Variants in CA10 observed in about 807,000 individuals in gnomAD.
The protein encoded by CA10 is carbonic anhydrase 10 (inactive), also known as carbonic anhydrase-related protein 10.
A neutral mutation model predicts 44.2 loss-of-function variants in CA10; 14 were observed. The ratio of observed to expected loss-of-function variants is 0.32; its 90% confidence interval spans 0.21 to 0.50. The LOEUF is 0.50. CA10 is among the 20% of genes least tolerant of loss of function. CA10 has a pLI of 0.99. For synonymous variants in CA10, 159 were observed against 141.6 expected (o/e 1.12, Z -0.87); for missense variants, 350 against 409.7 (o/e 0.85, Z 1.26).
At chr17:51,719,756 G>T (rs1486690935) in intron 4 of CA10, among the ~76,000 whole-genome samples, 1 of 152,098 alleles carries the variant, frequency 6.6e-6, no homozygotes, top group Non-Finnish European at 1.5e-5. Context: ...AGGCATGGTG[G>T]CATGAGCCTG....
intron 2 of CA10, among the ~76,000 whole-genome samples, chr17:51,940,333 A>AAAAG: frequency 6.6e-6 from 1 of 152,192 alleles, no homozygotes; most frequent in East Asian, 1.9e-4. Flanking sequence ...TTCCTGATCA[A>AAAAG]AAAGATGCTG....
chr17:52,134,583 C>T (rs1989309549), intron 1 of CA10, among the ~76,000 whole-genome samples: 1 of 152,182 alleles, frequency 6.6e-6, no homozygotes, highest in African/African-American at 2.4e-5. Flanking sequence ...AATAGTGGTT[C>T]TGCCAATATT....
intron 3 of CA10, among the ~76,000 whole-genome samples, chr17:51,915,266 T>C (rs1981948551): frequency 6.6e-6 from 1 of 152,154 alleles, no homozygotes; most frequent in East Asian, 1.9e-4. Flanking sequence ...CTCACGGTAA[T>C]CGGCAAGGAC....
At chr17:52,027,050 G>A (rs191804739) in intron 2 of CA10, among the ~76,000 whole-genome samples, 189 of 152,158 alleles carry the variant, frequency 1.2e-3, no homozygotes, top group Middle Eastern at 3.4e-3. Context: ...GAATCAATGG[G>A]AGTCCTGAGT....
intron 3 of CA10, among the ~76,000 whole-genome samples, chr17:51,821,226 A>T (rs1907783007): frequency 6.6e-6 from 1 of 150,964 alleles, no homozygotes. Flanking sequence ...AAACCAAATG[A>T]AAAAGCTCCT....
chr17:51,889,995 C>A (rs768537617), intron 3 of CA10, among the ~76,000 whole-genome samples: 1 of 152,056 alleles, frequency 6.6e-6, no homozygotes, highest in Admixed American at 6.6e-5. Flanking sequence ...ACCGATGAAC[C>A]CTTTACATTG....
chr17:52,111,275 C>T (rs1437201314), intron 1 of CA10, among the ~76,000 whole-genome samples: 1 of 152,114 alleles, frequency 6.6e-6, no homozygotes, highest in East Asian at 1.9e-4. Flanking sequence ...GCTAATTACA[C>T]CTACGCTTAC....
chr17:52,131,153 C>G (rs906612360), intron 1 of CA10, among the ~76,000 whole-genome samples: 3 of 150,326 alleles, frequency 2.0e-5, no homozygotes, highest in Non-Finnish European at 4.4e-5. Flanking sequence ...TGGCATTACC[C>G]CAAAGTTCCC....
At chr17:51,637,203 C>A (rs761680733) in intron 6 of CA10, among the ~76,000 whole-genome samples, 12 of 152,058 alleles carry the variant, frequency 7.9e-5, no homozygotes, top group Non-Finnish European at 1.3e-4. Context: ...TCCCATTTTT[C>A]TGGCCATTCT....
At chr17:51,781,866 G>C (rs1455911568) in intron 3 of CA10, among the ~76,000 whole-genome samples, 1 of 152,136 alleles carries the variant, frequency 6.6e-6, no homozygotes, top group Non-Finnish European at 1.5e-5. Context: ...TATATAATGA[G>C]GTAGGTATTA....
chr17:52,129,404 A>G (rs914347209), intron 1 of CA10, among the ~76,000 whole-genome samples: 1 of 152,182 alleles, frequency 6.6e-6, no homozygotes, highest in South Asian at 2.1e-4. Flanking sequence ...GAATTAATTC[A>G]TTTAATCTTC....
chr17:51,697,309 C>G (rs1001436569), intron 4 of CA10, among the ~76,000 whole-genome samples: 3 of 152,204 alleles, frequency 2.0e-5, no homozygotes, highest in African/African-American at 4.8e-5. Flanking sequence ...AGATACTCCC[C>G]CTACAGCACA....
Position 52,158,148 on chromosome 17 carries a change from A to G in CA10, c.-362T>C. 2.6e-6 allele frequency: 1 copy of G among 391,144 alleles called. No individual in the cohort carries two copies. Among genetic ancestry groups the G allele is most frequent in the Non-Finnish European group, 4.7e-6 (1 of 211,520 alleles). 24.2% of individuals were successfully genotyped at this position (391,144 alleles called of 1,614,324 possible). On this transcript the variant is annotated 5_prime_UTR_variant, in exon 1 of 9. Transcript: ENST00000451037. Reference sequence around the variant, plus strand: ...GCAGCAGCCACCTGAAGCCACCAACACTGGGCTCTTCCAGCAAAAACGAGA... The same window carrying G: ...GCAGCAGCCACCTGAAGCCACCAACGCTGGGCTCTTCCAGCAAAAACGAGA...
intron 1 of CA10, among the ~76,000 whole-genome samples, chr17:52,126,044 G>A (rs188263100): frequency 6.6e-6 from 1 of 152,162 alleles, no homozygotes. Context: ...CCCTCAAAAG[G>A]TTTTCCAGTA....
At chr17:51,916,892 G>A (rs908444926) in intron 3 of CA10, among the ~76,000 whole-genome samples, 18 of 152,116 alleles carry the variant, frequency 1.2e-4, no homozygotes, top group Non-Finnish European at 2.5e-4. Flanking sequence ...GCCAAACCAT[G>A]GCCACCGGAG....
intron 1 of CA10, chr17:52,134,794 C>T (rs947554347): frequency 2.0e-6 from 1 of 504,570 alleles, no homozygotes; most frequent in African/African-American, 1.9e-5. Flanking sequence ...ACAGCTGCCT[C>T]TTCCACTGTG....
At chr17:52,158,931 TGAG>T (rs904082063), upstream of CA10, among the ~76,000 whole-genome samples, 4 of 151,388 alleles carry the variant, frequency 2.6e-5, no homozygotes, top group Non-Finnish European at 5.9e-5. Context: ...AGCGCGGCCA[TGAG>T]GAGGAGGAGG....
intron 3 of CA10, among the ~76,000 whole-genome samples, chr17:51,892,333 T>C (rs1980893973): frequency 6.6e-6 from 1 of 152,234 alleles, no homozygotes; most frequent in Non-Finnish European, 1.5e-5. Flanking sequence ...TAAACAACAA[T>C]GCTAGGAAGC....
At chr17:51,746,000 A>T (rs140744719) in intron 4 of CA10, among the ~76,000 whole-genome samples, 17 of 152,238 alleles carry the variant, frequency 1.1e-4, no homozygotes, top group African/African-American at 4.1e-4. Flanking sequence ...CTTTCATTAC[A>T]TTTCTTGTTG....
Sources: allele counts gnomAD v4.1 joint callset (sites outside exome capture counted in the v4.1 genomes callset), GRCh38; gene constraint gnomAD v4.1.1; transcripts MANE v1.5; gene names NCBI Gene and HGNC (gene_info 2026-07-23, HGNC 2026-07-21).